Variants in CREBRF observed in about 807,000 individuals in gnomAD.
CREBRF encodes the protein CREB3 regulatory factor.
A neutral mutation model predicts 66.1 loss-of-function variants in CREBRF; 5 were observed. That is an observed-to-expected ratio of 0.08 (90% CI 0.04 to 0.16). The LOEUF (loss-of-function observed/expected upper bound fraction) is 0.16. Ranked by LOEUF, CREBRF falls within the 10% of genes least tolerant of loss-of-function variation. CREBRF has a pLI of 1.00. For missense variants in CREBRF, 531 were observed against 744.9 expected (o/e 0.71, Z 3.34); for synonymous variants, 229 against 264.4 (o/e 0.87, Z 1.30).
At chr5:173,058,569 C>T (rs1197938084) in intron 1 of CREBRF, among the ~76,000 whole-genome samples, 2 of 151,720 alleles carry the variant, frequency 1.3e-5, no homozygotes, top group Non-Finnish European at 2.9e-5. Context: ...CTGCAAGCTC[C>T]GCCTCCCGGG....
chr5:173,084,484 A>G (rs1758066932), intron 2 of CREBRF, among the ~76,000 whole-genome samples: 1 of 152,198 alleles, frequency 6.6e-6, no homozygotes, highest in African/African-American at 2.4e-5. Context: ...AAAAACTGGT[A>G]CTAATCACTT....
In CREBRF at chr5:173,080,621, G is replaced by A. The variant is rs1283259112; in HGVS notation, c.-155G>A. On this transcript the variant is annotated 5_prime_UTR_variant, in exon 2 of 9. Transcript: ENST00000296953. ...CAGAATTATTTTAAAAAAAAGCAGT[G>A]ATCCAAGCAATTGAATTGGAAGCAC... is the stretch of plus-strand genomic sequence containing the variant. 1.4e-5 allele frequency: 9 copies of A among 659,346 alleles called. No homozygotes were observed. The highest frequency in any genetic ancestry group is 2.1e-5 in the Non-Finnish European group (8 of 373,144). The allele number at this position is 659,346 out of a possible 1,614,324, so 40.8% of individuals were successfully genotyped here. A position where few individuals can be genotyped will look rare whatever the true frequency, so the allele number is the denominator to read the frequency against.
chr5:173,118,775 C>T lies in CREBRF; in HGVS notation c.1682-4305C>T, dbSNP rs529176828. ...AGAGACAGGGCTGGGCATGGTGGCT[C>T]ATGCCTGTAATCCTAGCACTTTGGG... On this transcript the variant is annotated intron_variant, in intron 7 of 8. Coordinates refer to ENST00000296953, the MANE Select transcript of CREBRF (RefSeq NM_153607.3). 9.3e-4 allele frequency among the ~76,000 whole-genome samples: 139 copies of T among 150,216 alleles called. 1 individual carries two copies. The Middle Eastern group carries it at 0.014, about 15-fold the overall frequency.
chr5:173,079,135 A>C (rs557314194), intron 1 of CREBRF, among the ~76,000 whole-genome samples: 1 of 152,242 alleles, frequency 6.6e-6, no homozygotes, highest in African/African-American at 2.4e-5. Context: ...ATCTAGTTAT[A>C]CTGTAGCACT....
chr5:173,079,087 A>G (rs1757854710), intron 1 of CREBRF, among the ~76,000 whole-genome samples: 1 of 152,068 alleles, frequency 6.6e-6, no homozygotes, highest in South Asian at 2.1e-4. Flanking sequence ...ATAAGGAGAG[A>G]CTGCACAAGA....
chr5:173,066,361 A>G (rs186333667), intron 1 of CREBRF, among the ~76,000 whole-genome samples: 154 of 152,126 alleles, frequency 1.0e-3, no homozygotes, highest in Admixed American at 2.9e-3. Flanking sequence ...CCTGTTTTCT[A>G]TTTCTTATGC....
intron 8 of CREBRF, among the ~76,000 whole-genome samples, chr5:173,126,029 G>A (rs1455162856): frequency 6.6e-6 from 1 of 152,086 alleles, no homozygotes; most frequent in African/African-American, 2.4e-5. Context: ...ACAAAAAAAT[G>A]GCACCTGTCT....
At chr5:173,124,842 T>G (rs1224759911) in intron 8 of CREBRF, among the ~76,000 whole-genome samples, 1 of 151,954 alleles carries the variant, frequency 6.6e-6, no homozygotes, top group Non-Finnish European at 1.5e-5. Context: ...TGGCTCTTTT[T>G]GGCCCATCTT....
intron 1 of CREBRF, among the ~76,000 whole-genome samples, chr5:173,056,842 C>A (rs1248727627): frequency 2.0e-5 from 3 of 149,014 alleles, no homozygotes; most frequent in Admixed American, 2.0e-4. Flanking sequence ...AGCCCGGGGC[C>A]GCTGCTGCCG....
chr5:173,106,928 T>G (rs1758764293), intron 4 of CREBRF, among the ~76,000 whole-genome samples: 1 of 152,138 alleles, frequency 6.6e-6, no homozygotes, highest in Non-Finnish European at 1.5e-5. Context: ...TTTTGTATTT[T>G]TAGTAGAGAT....
intron 8 of CREBRF, among the ~76,000 whole-genome samples, chr5:173,127,162 C>CTT (rs70984944): frequency 3.5e-5 from 4 of 114,754 alleles, no homozygotes; most frequent in Non-Finnish European, 5.4e-5. Flanking sequence ...GTTTCTTTTT[C>CTT]TTTTTTTTTT....
intron 4 of CREBRF, among the ~76,000 whole-genome samples, chr5:173,104,287 A>G (rs995041371): frequency 6.6e-6 from 1 of 152,184 alleles, no homozygotes; most frequent in African/African-American, 2.4e-5. Flanking sequence ...GTTCTTCAGA[A>G]TCTAGTTTGA....
chr5:173,080,171 A>G (rs369512074), intron 1 of CREBRF, among the ~76,000 whole-genome samples: 1 of 152,318 alleles, frequency 6.6e-6, no homozygotes. Context: ...TGAGAGAGAT[A>G]AAATGTAGAT....
intron 1 of CREBRF, among the ~76,000 whole-genome samples, chr5:173,078,224 T>C (rs1049283914): frequency 6.6e-6 from 1 of 152,228 alleles, no homozygotes; most frequent in Non-Finnish European, 1.5e-5. Flanking sequence ...TTTGTTATTT[T>C]CCACTTTTTG....
chr5:173,071,707 C>T (rs548629344), intron 1 of CREBRF, among the ~76,000 whole-genome samples: 1 of 152,002 alleles, frequency 6.6e-6, no homozygotes, highest in African/African-American at 2.4e-5. Context: ...GACTTTGGAG[C>T]ACAGTGTTAA....
intron 1 of CREBRF, among the ~76,000 whole-genome samples, chr5:173,076,550 A>C (rs1757769921): frequency 6.6e-6 from 1 of 152,128 alleles, no homozygotes; most frequent in African/African-American, 2.4e-5. Flanking sequence ...CAGGAGTTTG[A>C]GACCAGCCTG....
At chr5:173,108,590 A>G (rs776118512) in intron 4 of CREBRF, 34 bp from the exon 5 acceptor site, 3 of 1,569,462 alleles carry the variant, frequency 1.9e-6, no homozygotes, top group East Asian at 2.2e-5. Context: ...ATTGAAATTT[A>G]TGGAGCTTAA....
At chr5:173,059,444 A>G (rs1385353780) in intron 1 of CREBRF, among the ~76,000 whole-genome samples, 1 of 151,452 alleles carries the variant, frequency 6.6e-6, no homozygotes, top group African/African-American at 2.4e-5. Flanking sequence ...TTGTATTTTT[A>G]GTAGAGACGG....
At chr5:173,087,200 G>A (rs566176787) in intron 3 of CREBRF, among the ~76,000 whole-genome samples, 1 of 152,124 alleles carries the variant, frequency 6.6e-6, no homozygotes, top group Admixed American at 6.5e-5. Flanking sequence ...ACCTGCCTCG[G>A]CCTCCCAAAG....
Sources: gnomAD v4.1 joint callset for allele counts (sites outside exome capture counted in the v4.1 genomes callset) on GRCh38, gnomAD v4.1.1 for gene constraint, MANE v1.5 for transcripts, NCBI Gene and HGNC (gene_info 2026-07-23, HGNC 2026-07-21) for gene names.